The following AFF3 variants were observed in gnomAD, a reference collection of about 807,000 sequenced individuals.
AFF3 encodes AF4/FMR2 family member 3.
In AFF3, 32 loss-of-function variants were observed where a neutral mutation model predicts 129.7. The observed-to-expected ratio is 0.25, with a 90% CI of 0.19 to 0.33. The LOEUF is 0.33. AFF3 is among the 10% of genes least tolerant of loss of function. The pLI is 1.00. For synonymous variants in AFF3, 644 were observed against 635.4 expected (o/e 1.01, Z -0.20); for missense variants, 1,373 against 1,592.0 (o/e 0.86, Z 2.34).
At chr2:100,108,684 G>A (rs1691407976) in intron 2 of AFF3, among the ~76,000 whole-genome samples, 1 of 152,104 alleles carries the variant, frequency 6.6e-6, no homozygotes, top group African/African-American at 2.4e-5. Flanking sequence ...CCCGGTCGAG[G>A]GCTGAGAACT....
At chr2:100,039,566 A>C (rs996747287) in intron 4 of AFF3, among the ~76,000 whole-genome samples, 1 of 151,892 alleles carries the variant, frequency 6.6e-6, no homozygotes, top group African/African-American at 2.4e-5. Flanking sequence ...CTAAAAAAAA[A>C]CAAAAAGGCC....
intron 12 of AFF3, among the ~76,000 whole-genome samples, chr2:99,668,286 C>G (rs989717801): frequency 1.3e-5 from 2 of 151,978 alleles, no homozygotes; most frequent in South Asian, 2.1e-4. Flanking sequence ...ATACTCCCGT[C>G]TCAGCCTCCC....
At chr2:99,955,399 G>A (rs144493056) in intron 7 of AFF3, among the ~76,000 whole-genome samples, 3 of 152,252 alleles carry the variant, frequency 2.0e-5, no homozygotes, top group Admixed American at 1.3e-4. Context: ...TTACTACTGT[G>A]AACTCAAGAT....
intron 7 of AFF3, among the ~76,000 whole-genome samples, chr2:99,974,176 T>C (rs1435026107): frequency 6.6e-6 from 1 of 152,228 alleles, no homozygotes; most frequent in Non-Finnish European, 1.5e-5. Context: ...CAAGGCTTGT[T>C]TTATTTTCCC....
In AFF3 at chr2:99,551,195, T is replaced by G. The variant is rs373121813; in HGVS notation, c.*279A>C. ...GTGTGTGTGTGTGTACTTCCTCTAG[T>G]CAGAAACCTCTGATCACTTTGTCTA... is the stretch of plus-strand genomic sequence containing the variant. On this transcript the variant is annotated 3_prime_UTR_variant, in exon 25 of 25. Coordinates refer to ENST00000672756, the MANE Select transcript of AFF3 (RefSeq NM_001386135.1). The G allele has an allele frequency of 3.7e-6, 2 of 535,422 alleles. No individual in the cohort carries two copies. The highest frequency in any genetic ancestry group is 3.3e-6 in the Non-Finnish European group (1 of 300,348). The allele number at this position is 535,422 out of a possible 1,614,324, so 33.2% of individuals were successfully genotyped here.
chr2:100,062,883 T>C (rs1463904976), intron 4 of AFF3, among the ~76,000 whole-genome samples: 1 of 152,048 alleles, frequency 6.6e-6, no homozygotes, highest in Non-Finnish European at 1.5e-5. Context: ...GACTATAAAA[T>C]AACTACATAT....
intron 8 of AFF3, among the ~76,000 whole-genome samples, chr2:99,758,628 AATGATG>A (rs1228003071): frequency 6.6e-6 from 1 of 150,796 alleles, no homozygotes; most frequent in East Asian, 2.0e-4. Context: ...ATCACATCAC[AATGATG>A]ATGATGATGG....
chr2:100,088,836 C>T (rs1327732127), intron 4 of AFF3, among the ~76,000 whole-genome samples: 4 of 152,172 alleles, frequency 2.6e-5, no homozygotes, highest in East Asian at 1.9e-4. Flanking sequence ...TTACTTTGGC[C>T]AGTCTCGTAA....
intron 7 of AFF3, among the ~76,000 whole-genome samples, chr2:99,887,985 G>C (rs948462005): frequency 6.6e-6 from 1 of 152,162 alleles, no homozygotes; most frequent in African/African-American, 2.4e-5. Context: ...ATGATTCTGA[G>C]AACTAGCTCT....
chr2:99,977,647 C>T (rs1348188576), intron 7 of AFF3, among the ~76,000 whole-genome samples: 1 of 152,094 alleles, frequency 6.6e-6, no homozygotes, highest in Non-Finnish European at 1.5e-5. Flanking sequence ...AACCTTGTCC[C>T]AACTTAGAAA....
At chr2:99,800,579 A>G (rs1608640) in intron 8 of AFF3, among the ~76,000 whole-genome samples, 111,685 of 152,138 alleles carry the variant, frequency 0.73, 43,063 homozygotes, top group South Asian at 0.91. Context: ...ACCCCAGAGA[A>G]GAGAAAGCAC....
Position 99,618,893 on chromosome 2 carries a change from GATTC to G in AFF3, c.1185-17276_1185-17273del, listed in dbSNP as rs112677518. On this transcript the variant is annotated intron_variant, in intron 13 of 24. Coordinates refer to ENST00000672756, the MANE Select transcript of AFF3 (RefSeq NM_001386135.1). ...TGCAAAGCTACAGATAGCTCTGATCGATTCATTCATTCATTCATTCATTCATTCA... is the reference window on the plus strand; with the variant it reads ...TGCAAAGCTACAGATAGCTCTGATCGATTCATTCATTCATTCATTCATTCA... Among the ~76,000 whole-genome samples the G allele has an allele frequency of 1.8e-3, 270 of 149,958 alleles. 1 individual carries two copies. Among genetic ancestry groups the G allele is most frequent in the African/African-American group, 4.7e-3 (192 of 40,696 alleles).
At chr2:100,058,779 G>T (rs1370356) in intron 4 of AFF3, among the ~76,000 whole-genome samples, 31,835 of 151,934 alleles carry the variant, frequency 0.21, 4,718 homozygotes, top group African/African-American at 0.41. Flanking sequence ...GATATGACAC[G>T]AAAAGTACAA....
At chr2:99,644,930 C>A (rs1684558639) in intron 13 of AFF3, among the ~76,000 whole-genome samples, 2 of 152,172 alleles carry the variant, frequency 1.3e-5, no homozygotes, top group East Asian at 1.9e-4. Flanking sequence ...AATACACCGA[C>A]CCACAAGAAG....
rs189352887 is a variant in AFF3 at position 99,812,323 on chromosome 2, C to T, written c.921+25154G>A. ...CTTCTGAAGTAAGATCATTGTCTTCCTTCCGATACCCTCTGACGAAACCTC... is the reference window on the plus strand; with the variant it reads ...CTTCTGAAGTAAGATCATTGTCTTCTTTCCGATACCCTCTGACGAAACCTC... On this transcript the variant is annotated intron_variant, in intron 8 of 24. Transcript: ENST00000672756. 3.9e-5 allele frequency among the ~76,000 whole-genome samples: 6 copies of T among 152,274 alleles called. No homozygotes were observed. The East Asian group carries it at 9.7e-4, about 25-fold the overall frequency.
At chr2:99,832,032 C>T (rs577918836) in intron 8 of AFF3, among the ~76,000 whole-genome samples, 23 of 152,316 alleles carry the variant, frequency 1.5e-4, no homozygotes, top group East Asian at 9.6e-4. Context: ...GACGTACTTG[C>T]GTCAGTCCTC....
At chr2:100,054,153 T>C (rs1411851339) in intron 4 of AFF3, among the ~76,000 whole-genome samples, 1 of 152,120 alleles carries the variant, frequency 6.6e-6, no homozygotes, top group Non-Finnish European at 1.5e-5. Flanking sequence ...TGAGAAGACC[T>C]AATAACCCAA....
At chr2:99,648,915 A>ACTCT (rs1275377590) in intron 13 of AFF3, among the ~76,000 whole-genome samples, 388 of 35,504 alleles carry the variant, frequency 0.011, 3 homozygotes, top group African/African-American at 0.025. Flanking sequence ...ACACACACAC[A>ACTCT]CACTCTCTCT....
chr2:99,750,490 C>A (rs532275134), intron 9 of AFF3, among the ~76,000 whole-genome samples: 1 of 147,160 alleles, frequency 6.8e-6, no homozygotes, highest in East Asian at 2.0e-4. Context: ...TCATAGCTCA[C>A]TGTAGCCTCG....
Sources: gnomAD v4.1 joint callset for allele counts (sites outside exome capture counted in the v4.1 genomes callset) on GRCh38, gnomAD v4.1.1 for gene constraint, MANE v1.5 for transcripts, NCBI Gene and HGNC (gene_info 2026-07-23, HGNC 2026-07-21) for gene names.